Variants in DLL4 observed in about 807,000 individuals in gnomAD.
The protein encoded by DLL4 is delta-like protein 4.
DLL4 carries 7 observed loss-of-function variants against 73.6 expected under a neutral mutation model. The ratio of observed to expected loss-of-function variants is 0.10; its 90% CI spans 0.05 to 0.18. The LOEUF is 0.18. Ranked by LOEUF, DLL4 falls within the 10% of genes least tolerant of loss-of-function variation. DLL4 has a pLI of 1.00. For synonymous variants in DLL4, 345 were observed against 374.3 expected (o/e 0.92, Z 0.90); for missense variants, 614 against 929.9 (o/e 0.66, Z 4.42).
At position 40,937,445 on chromosome 15, in the gene DLL4, G is replaced by A. The variant is rs369676256; in HGVS notation, c.1971G>A (p.Ala657=). Residue 657 remains alanine (A), a synonymous_variant, in exon 10 of 11, where the codon GCG becomes GCA. Coordinates refer to ENST00000249749, the MANE Select transcript of DLL4 (RefSeq NM_019074.4). ...AAAAGCCAGAGTGTCGGATATCAGCGATATGCTCCCCCAGGGACTCCATGT... is the reference window on the plus strand; with the variant it reads ...AAAAGCCAGAGTGTCGGATATCAGCAATATGCTCCCCCAGGGACTCCATGT... ...HSEKPECRIS[A]ICSPRDSMYQ... 319 of 1,613,544 alleles carry A rather than the reference G, an allele frequency of 2.0e-4. No homozygotes were observed. Among genetic ancestry groups the A allele is most frequent in the Non-Finnish European group, 2.6e-4 (306 of 1,179,606 alleles).
intron 9 of DLL4, 103 bp downstream of exon 9, chr15:40,937,033 T>C: frequency 5.1e-6 from 5 of 979,282 alleles, no homozygotes; most frequent in Non-Finnish European, 5.9e-6. Flanking sequence ...GCTGAGGTTT[T>C]GTTACTGACA....
At position 40,931,676 on chromosome 15, in the gene DLL4, A is replaced by C. The variant is rs1892772929; in HGVS notation, c.568A>C (p.Lys190Gln). 1.2e-6 allele frequency: 2 copies of C among 1,613,714 alleles called. No individual in the cohort carries two copies. ...AGACAACTGCTCCCGCCTGTGCAAGAAGCGCAATGACCACTTCGGCCACTA... is the reference window on the plus strand; with the variant it reads ...AGACAACTGCTCCCGCCTGTGCAAGCAGCGCAATGACCACTTCGGCCACTA... ...YGDNCSRLCK[K>Q]RNDHFGHYVC... is the part of the protein sequence containing the mutation. Residue 190 changes from lysine (K) to glutamine (Q), a missense_variant, in exon 4 of 11, where the codon AAG becomes CAG. Lys to Gln is a moderately conservative substitution (Grantham distance 53). This residue lies in a region of DLL4 where 227 missense variants were observed against 370.8 expected (regional missense o/e 0.61). Transcript: ENST00000249749.
At chr15:40,931,448 C>G in intron 3 of DLL4, 55 bp from the exon 4 acceptor site, 1 of 1,559,628 alleles carries the variant, frequency 6.4e-7, no homozygotes, top group East Asian at 2.4e-5. Flanking sequence ...CCAGCCGTCA[C>G]TGGCACCCTT....
chr15:40,934,492 C>T, intron 6 of DLL4, 56 bp from the exon 7 acceptor site: 1 of 1,582,318 alleles, frequency 6.3e-7, no homozygotes, highest in Non-Finnish European at 8.6e-7. Flanking sequence ...TGCAAGGAGC[C>T]TGGAGGTGAG....
rs1892880228 is a variant in DLL4, at chr15:40,938,848, C to T, written c.*814C>T. The T allele has an allele frequency of 6.6e-6, 1 of 152,534 alleles. No individual in the cohort carries two copies. The highest frequency in any genetic ancestry group is 1.5e-5 in the Non-Finnish European group (1 of 68,036). 9.4% of individuals were successfully genotyped at this position (152,534 alleles called of 1,614,324 possible). On this transcript the variant is annotated 3_prime_UTR_variant, in exon 11 of 11. Coordinates refer to ENST00000249749, the MANE Select transcript of DLL4 (RefSeq NM_019074.4). The stretch of plus-strand genomic sequence containing the variant: ...TCCTCCCTCAAGCCCATCTCCACAA[C>T]CTCGAGCCTGGGCTCTGGTCCACTA...
chr15:40,929,902 G>T lies in DLL4; in HGVS notation c.122G>T (p.Arg41Leu). 6.2e-7 allele frequency: 1 copy of T among 1,612,930 alleles called. No homozygotes were observed. Among genetic ancestry groups the T allele is most frequent in the Admixed American group, 1.7e-5 (1 of 60,016 alleles). ...CAGCTGCAGGAGTTCATCAACGAGC[G>T]CGGCGTACTGGCCAGTGGGCGGCCT... ...QLQLQEFINE[R>L]GVLASGRPCE... Residue 41 changes from arginine (R) to leucine (L), a missense_variant, in exon 2 of 11, where the codon CGC (arginine) becomes CTC (leucine). By Grantham distance (102) the Arg-to-Leu change is moderately radical (BLOSUM62 -2). Transcript: ENST00000249749. This position sits in a 1 kb window ranked among gnomAD's most constrained non-coding sequence, Gnocchi z 7.1.
rs1892774401 is a variant in DLL4, at chr15:40,931,749, G to C, written c.641G>C (p.Gly214Ala). 1.2e-6 allele frequency: 2 copies of C among 1,613,562 alleles called. No homozygotes were observed. The highest frequency in any genetic ancestry group is 1.7e-5 in the Admixed American group (1 of 59,998). Residue 214 changes from glycine (G) to alanine (A), a missense_variant, in exon 4 of 11, where the codon GGG becomes GCG. Physicochemically the swap from Gly to Ala is moderately conservative, Grantham distance 60. This residue lies in a region of DLL4 where 227 missense variants were observed against 370.8 expected (regional missense o/e 0.61). Coordinates refer to ENST00000249749, the MANE Select transcript of DLL4 (RefSeq NM_019074.4). The part of the protein sequence containing the change: ...GNLSCLPGWT[G>A]EYCQQPICLS... ...TTGTCCTGCCTGCCCGGTTGGACTG[G>C]GGAATATTGCCAACAGCGTAAGCAG...
intron 4 of DLL4, 140 bp downstream of exon 4, chr15:40,931,906 G>A (rs1892776266): frequency 1.7e-6 from 2 of 1,165,298 alleles, no homozygotes; most frequent in Admixed American, 2.3e-5. Flanking sequence ...GCTGAGGGTG[G>A]GCTTGACCTC....
chr15:40,936,948 G>T lies in DLL4; in HGVS notation c.1943+18G>T, dbSNP rs748004538. On this transcript the variant is annotated intron_variant, in intron 9 of 10. Coordinates refer to ENST00000249749, the MANE Select transcript of DLL4 (RefSeq NM_019074.4). The stretch of plus-strand genomic sequence containing the variant: ...TTACACAGGTGAGTGGCACCCAGAA[G>T]CCCAGGGCCTGGCCACCGGCCCCGA... 1.7e-4 allele frequency: 270 copies of T among 1,555,060 alleles called. No individual in the cohort carries two copies. The highest frequency in any genetic ancestry group is 2.3e-4 in the Non-Finnish European group (265 of 1,152,706).
Position 40,936,386 on chromosome 15 carries a change from C to T in DLL4, c.1399C>T (p.Pro467Ser), listed in dbSNP as rs889650035. ...GGAGAATGGGCTCATGTGCACCTGC[C>T]CTGCCGGCTTCTCTGGCCGACGCTG... ...DLENGLMCTC[P>S]AGFSGRRCEV... is the part of the protein sequence containing the mutation. Residue 467 changes from proline (P) to serine (S), a missense_variant, in exon 9 of 11, where the codon CCT (proline) becomes TCT (serine). By Grantham distance (74) the Pro-to-Ser change is moderately conservative. Transcript: ENST00000249749. The T allele has an allele frequency of 6.2e-7, 1 of 1,611,758 alleles. No individual in the cohort carries two copies. The highest frequency in any genetic ancestry group is 8.5e-7 in the Non-Finnish European group (1 of 1,179,318).
rs142743060 is a variant in DLL4 at position 40,935,136 on chromosome 15, C to A, written c.1240+19C>A. The A allele has an allele frequency of 1.2e-6, 2 of 1,603,052 alleles. No homozygotes were observed. Among genetic ancestry groups the A allele is most frequent in the East Asian group, 4.5e-5 (2 of 44,694 alleles). On this transcript the variant is annotated intron_variant, in intron 8 of 10. Transcript: ENST00000249749. ...GCCAACGGTGCGTGCTGCTGCCCTG[C>A]TAACCTGGTGGACTGGCCCTGGGGC...
intron 4 of DLL4, 55 bp from the exon 5 acceptor site, chr15:40,932,116 G>C: frequency 6.2e-7 from 1 of 1,602,688 alleles, no homozygotes. Flanking sequence ...GGTGAGAATG[G>C]GGCTTAAGAG....
intron 10 of DLL4, 49 bp downstream of exon 10, chr15:40,937,575 G>A: frequency 7.2e-7 from 1 of 1,383,304 alleles, no homozygotes; most frequent in Non-Finnish European, 1.0e-6. Context: ...GAGGGAAAGT[G>A]GCCTGGTCAC....
intron 4 of DLL4, 34 bp from the exon 5 acceptor site, chr15:40,932,137 C>A: frequency 6.2e-7 from 1 of 1,613,458 alleles, no homozygotes; most frequent in Non-Finnish European, 8.5e-7. Context: ...TCCTTGGTAT[C>A]CCAGCCTCAC....
chr15:40,932,700 G>A (rs779544988), intron 6 of DLL4, among the ~76,000 whole-genome samples: 2 of 152,166 alleles, frequency 1.3e-5, no homozygotes, highest in Non-Finnish European at 2.9e-5. Flanking sequence ...TGACAAGGTC[G>A]GCAGCCTGGA....
chr15:40,931,947 C>CA (rs1747358184), intron 4 of DLL4, among the ~76,000 whole-genome samples, 181 bp downstream of exon 4: 1 of 152,246 alleles, frequency 6.6e-6, no homozygotes, highest in African/African-American at 2.4e-5. Flanking sequence ...GTGCTCCTCC[C>CA]ATCATGCCAA....
chr15:40,930,756 G>T lies in DLL4; in HGVS notation c.394+74G>T. 1 of 1,486,656 alleles carries T rather than the reference G, an allele frequency of 6.7e-7. No individual in the cohort carries two copies. Among genetic ancestry groups the T allele is most frequent in the East Asian group, 2.3e-5 (1 of 42,598 alleles). 92.1% of individuals were successfully genotyped at this position (1,486,656 alleles called of 1,614,324 possible). A position where few individuals can be genotyped will look rare whatever the true frequency, so the allele number is the denominator to read the frequency against. ...GAAAGAGTTAATCTGTTCTAGGCGG[G>T]GGAAGTGCGGGCTTGGGGGTGGGAG... On this transcript the variant is annotated intron_variant, in intron 3 of 10. Transcript: ENST00000249749. This position sits in a 1 kb window ranked among gnomAD's most constrained non-coding sequence, Gnocchi z 5.7.
Position 40,937,455 on chromosome 15 carries a change from C to A in DLL4, c.1981C>A (p.Pro661Thr), listed in dbSNP as rs1384119865. ...PECRISAICS[P>T]RDSMYQSVCL... ...GTGTCGGATATCAGCGATATGCTCC[C>A]CCAGGGACTCCATGTACCAGTCTGT... Residue 661 changes from proline (P) to threonine (T), a missense_variant, in exon 10 of 11, where the codon CCC becomes ACC. Pro to Thr is a conservative substitution (Grantham distance 38). Around this residue, in one of 3 missense-constraint regions of DLL4, gnomAD observed 386 missense variants for 541.3 expected, o/e 0.71. Transcript: ENST00000249749. 6.2e-7 allele frequency: 1 copy of A among 1,613,934 alleles called. No homozygotes were observed. Among genetic ancestry groups the A allele is most frequent in the Non-Finnish European group, 8.5e-7 (1 of 1,179,776 alleles).
intron 3 of DLL4, 36 bp from the exon 4 acceptor site, chr15:40,931,467 G>GCGACCCTTCCCTGACC (rs1164848399): frequency 4.4e-6 from 7 of 1,586,346 alleles, no homozygotes; most frequent in Non-Finnish European, 5.1e-6. Flanking sequence ...TTGGGGACTG[G>GCGACCCTTCCCTGACC]CGACCCTTCC....
Sources: allele counts gnomAD v4.1 joint callset (sites outside exome capture counted in the v4.1 genomes callset), GRCh38; gene constraint gnomAD v4.1.1; regional missense constraint gnomAD v4.1.1; non-coding constraint Gnocchi (gnomAD v3.1); transcripts MANE v1.5; gene names NCBI Gene and HGNC (gene_info 2026-07-23, HGNC 2026-07-21).